Variants in PCDH19 observed in about 807,000 individuals in gnomAD.
PCDH19 encodes protocadherin-19.
In PCDH19, 6 loss-of-function variants were observed where a neutral mutation model predicts 46.2. That is an observed-to-expected ratio of 0.13 (90% CI 0.07 to 0.26). The LOEUF is 0.26. Ranked by LOEUF, PCDH19 falls within the 10% of genes least tolerant of loss-of-function variation. The pLI is 1.00. For synonymous variants in PCDH19, 481 were observed against 415.7 expected, an observed-to-expected ratio of 1.16 and a Z score of -1.91; for missense variants, 740 against 972.3, an observed-to-expected ratio of 0.76 and a Z score of 3.18.
chrX:100,374,095 A>T (rs1435327682), intron 3 of PCDH19, among the ~76,000 whole-genome samples: 1 of 112,504 alleles, frequency 8.9e-6, no homozygotes, highest in Non-Finnish European at 1.9e-5. Context: ...TTCAAGCATT[A>T]TTTTAAAGTT....
intron 5 of PCDH19, among the ~76,000 whole-genome samples, chrX:100,335,919 G>A (rs966756070): frequency 1.8e-5 from 2 of 111,836 alleles, no homozygotes; most frequent in Non-Finnish European, 1.9e-5. Context: ...ATTTCACTAG[G>A]TATATTTGCA....
At chrX:100,307,581 A>C in intron 5 of PCDH19, among the ~76,000 whole-genome samples, 1 of 111,912 alleles carries the variant, frequency 8.9e-6, no homozygotes, top group Admixed American at 9.5e-5. Context: ...AAGGGCATCT[A>C]AATTGGTAAA....
chrX:100,369,554 T>A (rs1927161943), intron 3 of PCDH19, among the ~76,000 whole-genome samples: 1 of 112,454 alleles, frequency 8.9e-6, no homozygotes, highest in Non-Finnish European at 1.9e-5. Flanking sequence ...ACGTAACTAA[T>A]TAACAAGCCA....
intron 5 of PCDH19, among the ~76,000 whole-genome samples, chrX:100,308,948 T>C (rs947014179): frequency 8.9e-6 from 1 of 111,821 alleles, no homozygotes. Flanking sequence ...ACAACCACTA[T>C]GGAAAACAGT....
chrX:100,371,849 T>TACACACAC (rs56125276), intron 3 of PCDH19, among the ~76,000 whole-genome samples: 1 of 80,758 alleles, frequency 1.2e-5, no homozygotes, highest in Admixed American at 1.3e-4. Flanking sequence ...CAAATGACTA[T>TACACACAC]ACACACACAC....
At chrX:100,315,603 G>A (rs113206304) in intron 5 of PCDH19, among the ~76,000 whole-genome samples, 1,643 of 112,071 alleles carry the variant, frequency 0.015, 23 homozygotes, top group African/African-American at 0.049. Context: ...TGTCTGTTCC[G>A]CCCACCAAAT....
intron 5 of PCDH19, among the ~76,000 whole-genome samples, chrX:100,336,952 T>C (rs1351514583): frequency 1.8e-5 from 2 of 111,288 alleles, no homozygotes; most frequent in Non-Finnish European, 3.8e-5. Context: ...GATATCCACA[T>C]CATCAAAAAT....
At chrX:100,378,471 G>A (rs1381496404) in intron 3 of PCDH19, among the ~76,000 whole-genome samples, 1 of 112,343 alleles carries the variant, frequency 8.9e-6, no homozygotes. Flanking sequence ...TGGCCTTTAG[G>A]AGCCATCAGT....
rs149510478 is a variant in PCDH19 at position 100,391,360 on chromosome X, T to C, written c.2616+11164A>G. On this transcript the variant is annotated intron_variant, in intron 3 of 5. Transcript: ENST00000373034. ...GTTAGAATACCCATTGCTGCCTTTA[T>C]GGCAGAACTCGCGTTGGACAGGAAG... Among the ~76,000 whole-genome samples, 440 of 112,043 alleles carry C rather than the reference T, an allele frequency of 3.9e-3. 1 individual carries two copies. The highest frequency in any genetic ancestry group is 0.013 in the African/African-American group (400 of 30,874).
At chrX:100,370,340 TTG>T (rs1927181561) in intron 3 of PCDH19, among the ~76,000 whole-genome samples, 3 of 112,212 alleles carry the variant, frequency 2.7e-5, no homozygotes, top group Non-Finnish European at 5.6e-5. Context: ...AACCAAACTG[TTG>T]TCTACTTGAA....
At chrX:100,357,693 T>C (rs1453169189) in intron 3 of PCDH19, among the ~76,000 whole-genome samples, 1 of 111,957 alleles carries the variant, frequency 8.9e-6, no homozygotes, top group Non-Finnish European at 1.9e-5. Context: ...TCACTGATCA[T>C]CCCACGTTCC....
At chrX:100,333,249 G>GAA (rs1298400505) in intron 5 of PCDH19, among the ~76,000 whole-genome samples, 1 of 105,176 alleles carries the variant, frequency 9.5e-6, no homozygotes, top group African/African-American at 3.5e-5. Flanking sequence ...AAGAAAGAAA[G>GAA]GGAAAGTCCC....
intron 4 of PCDH19, among the ~76,000 whole-genome samples, chrX:100,343,779 T>C (rs991279363): frequency 2.7e-5 from 3 of 111,711 alleles, no homozygotes; most frequent in African/African-American, 9.8e-5. Context: ...AATGGCATGT[T>C]TGTGAATTAA....
At chrX:100,365,111 C>T (rs1186717894) in intron 3 of PCDH19, among the ~76,000 whole-genome samples, 5 of 105,188 alleles carry the variant, frequency 4.8e-5, no homozygotes, top group Non-Finnish European at 9.8e-5. Flanking sequence ...CAAATAACAC[C>T]TTGCATTAAT....
chrX:100,392,854 T>C (rs1927900944), intron 3 of PCDH19, among the ~76,000 whole-genome samples: 2 of 111,721 alleles, frequency 1.8e-5, no homozygotes, highest in African/African-American at 6.5e-5. Flanking sequence ...TAAAAAAGCC[T>C]CTTAAAGGTT....
At chrX:100,393,346 T>C (rs1927915935) in intron 3 of PCDH19, among the ~76,000 whole-genome samples, 1 of 110,586 alleles carries the variant, frequency 9.0e-6, no homozygotes, top group Admixed American at 9.7e-5. Context: ...ATCATAGACA[T>C]GTGTACGGTC....
chrX:100,315,203 C>T (rs1441124478), intron 5 of PCDH19, among the ~76,000 whole-genome samples: 1 of 112,007 alleles, frequency 8.9e-6, no homozygotes, highest in Non-Finnish European at 1.9e-5. Flanking sequence ...GCACCCCTTA[C>T]AAGAAAAACA....
At chrX:100,352,707 C>T (rs1482254132) in intron 3 of PCDH19, among the ~76,000 whole-genome samples, 1 of 111,620 alleles carries the variant, frequency 9.0e-6, no homozygotes, top group Non-Finnish European at 1.9e-5. Context: ...TCTCTTGCTG[C>T]TCCGGCCATG....
intron 4 of PCDH19, among the ~76,000 whole-genome samples, chrX:100,345,149 C>T (rs28545751): frequency 0.019 from 2,135 of 111,349 alleles, 37 homozygotes; most frequent in Non-Finnish European, 0.031. Flanking sequence ...AGACTCTGTA[C>T]ATGAAGTACC....
Sources: gnomAD v4.1 joint callset for allele counts (sites outside exome capture counted in the v4.1 genomes callset) on GRCh38, gnomAD v4.1.1 for gene constraint, MANE v1.5 for transcripts, NCBI Gene and HGNC (gene_info 2026-07-23, HGNC 2026-07-21) for gene names.